WNT3A: variants seen among roughly 807,000 people sequenced by gnomAD.
WNT3A encodes the protein Wnt family member 3A.
A neutral mutation model predicts 37.0 loss-of-function variants in WNT3A; 17 were observed. The observed-to-expected ratio is 0.46, with a 90% CI of 0.31 to 0.69. The LOEUF (loss-of-function observed/expected upper bound fraction) is 0.69, where lower values mean the gene tolerates loss of function less well. Among genes scored for constraint, WNT3A ranks in the 30% least tolerant of loss-of-function variants. The probability of loss-of-function intolerance (pLI) is 0.05; values close to 1 mark genes in which losing one functional copy is unlikely to be tolerated. For missense variants in WNT3A, 411 were observed against 510.2 expected (o/e 0.81, Z 1.87); for synonymous variants, 187 against 211.0 (o/e 0.89, Z 0.99).
At chr1:228,015,430 G>A (rs778917255) in intron 1 of WNT3A, among the ~76,000 whole-genome samples, 3 of 152,350 alleles carry the variant, frequency 2.0e-5, no homozygotes, top group East Asian at 1.9e-4. Context: ...GCAGCTGGAC[G>A]TGGGAAACAT....
chr1:228,045,082 C>T (rs1430293835), intron 2 of WNT3A, among the ~76,000 whole-genome samples: 1 of 152,218 alleles, frequency 6.6e-6, no homozygotes, highest in African/African-American at 2.4e-5. Context: ...AGTGGAAGCC[C>T]TCAGCACCAC....
intron 2 of WNT3A, among the ~76,000 whole-genome samples, chr1:228,024,528 T>C (rs1257434489): frequency 6.6e-6 from 1 of 152,242 alleles, no homozygotes; most frequent in Non-Finnish European, 1.5e-5. Flanking sequence ...CTTTTTGTTG[T>C]TGAGTTGTGA....
rs752977256 is a variant in WNT3A, at chr1:228,059,207, G to C, written c.801G>C (p.Thr267=). 6.2e-7 allele frequency: 1 copy of C among 1,611,882 alleles called. No individual in the cohort carries two copies. The highest frequency in any genetic ancestry group is 1.3e-5 in the African/African-American group (1 of 74,930). ...RPRYTYFKVP[T]ERDLVYYEAS... Reference sequence around the variant, plus strand: ...GCTACACCTACTTCAAGGTGCCCACGGAGCGCGACCTGGTCTACTACGAGG... The same window carrying C: ...GCTACACCTACTTCAAGGTGCCCACCGAGCGCGACCTGGTCTACTACGAGG... Residue 267 remains threonine (T), a synonymous_variant, in exon 4 of 4, where the codon ACG becomes ACC. Coordinates refer to ENST00000284523, the MANE Select transcript of WNT3A (RefSeq NM_033131.4).
chr1:228,059,971 G>A lies in WNT3A; in HGVS notation c.*506G>A. The A allele has an allele frequency of 8.8e-7, 1 of 1,132,482 alleles. No individual in the cohort carries two copies. Among genetic ancestry groups the A allele is most frequent in the Non-Finnish European group, 1.1e-6 (1 of 910,986 alleles). The allele number at this position is 1,132,482 out of a possible 1,614,324, so 70.2% of individuals were successfully genotyped here. Reference sequence around the variant, plus strand: ...CCCTGAGGGCGGAGCGCCTCCTTAGGAGTGGGGTTTTATGGTGGATGAGGC... The same window carrying A: ...CCCTGAGGGCGGAGCGCCTCCTTAGAAGTGGGGTTTTATGGTGGATGAGGC... On this transcript the variant is annotated 3_prime_UTR_variant, in exon 4 of 4. Transcript: ENST00000284523.
At chr1:228,043,787 G>A (rs1247375647) in intron 2 of WNT3A, among the ~76,000 whole-genome samples, 2 of 152,072 alleles carry the variant, frequency 1.3e-5, no homozygotes, top group African/African-American at 2.4e-5. Flanking sequence ...AAAGATGCCC[G>A]TGCTCCCAGA....
chr1:228,033,681 T>A (rs567166943), intron 2 of WNT3A, among the ~76,000 whole-genome samples: 1 of 152,224 alleles, frequency 6.6e-6, no homozygotes, highest in Non-Finnish European at 1.5e-5. Flanking sequence ...TAGGATTAGC[T>A]CATCAATTTC....
At chr1:228,041,608 A>G (rs1269901608) in intron 2 of WNT3A, among the ~76,000 whole-genome samples, 1 of 151,912 alleles carries the variant, frequency 6.6e-6, no homozygotes, top group Non-Finnish European at 1.5e-5. Flanking sequence ...TCCATCATCT[A>G]TCCACCCACC....
intron 1 of WNT3A, among the ~76,000 whole-genome samples, chr1:228,013,094 T>C (rs1037230613): frequency 1.3e-5 from 2 of 152,136 alleles, no homozygotes; most frequent in Admixed American, 1.3e-4. Flanking sequence ...AGAAACCATT[T>C]CTCTCTCTAG....
At chr1:228,030,947 T>G (rs1207216141) in intron 2 of WNT3A, among the ~76,000 whole-genome samples, 1 of 152,070 alleles carries the variant, frequency 6.6e-6, no homozygotes, top group Non-Finnish European at 1.5e-5. Context: ...GGAGGGGAGG[T>G]GCCTGGCCCT....
intron 2 of WNT3A, among the ~76,000 whole-genome samples, chr1:228,036,148 AC>A (rs1227476821): frequency 6.6e-6 from 1 of 152,004 alleles, no homozygotes; most frequent in Non-Finnish European, 1.5e-5. Flanking sequence ...GTCAAAGGTC[AC>A]CCCAGGCTTT....
chr1:228,023,823 GTTC>G (rs1558286785), intron 2 of WNT3A, among the ~76,000 whole-genome samples: 1 of 152,120 alleles, frequency 6.6e-6, no homozygotes, highest in African/African-American at 2.4e-5. Context: ...AGCCATTCCC[GTTC>G]TTCTCCCTTC....
Position 228,059,619 on chromosome 1 carries a change from C to T in WNT3A, c.*154C>T. On this transcript the variant is annotated 3_prime_UTR_variant, in exon 4 of 4. Coordinates refer to ENST00000284523, the MANE Select transcript of WNT3A (RefSeq NM_033131.4). Reference sequence around the variant, plus strand: ...GGGGCTCCTACCTGGGGGCAGAACTCCTACCTGAAGGCAGGGCTCCTCCCT... The same window carrying T: ...GGGGCTCCTACCTGGGGGCAGAACTTCTACCTGAAGGCAGGGCTCCTCCCT... The T allele has an allele frequency of 7.2e-7, 1 of 1,383,456 alleles. No homozygotes were observed. Among genetic ancestry groups the T allele is most frequent in the South Asian group, 1.7e-5 (1 of 58,992 alleles). 85.7% of individuals were successfully genotyped at this position (1,383,456 alleles called of 1,614,324 possible).
intron 3 of WNT3A, among the ~76,000 whole-genome samples, chr1:228,054,181 C>G (rs1013798352): frequency 6.6e-6 from 1 of 152,124 alleles, no homozygotes; most frequent in African/African-American, 2.4e-5. Flanking sequence ...CATGGGCAGA[C>G]TAGAAATCTC....
At chr1:228,034,193 C>T (rs1043737508) in intron 2 of WNT3A, among the ~76,000 whole-genome samples, 3 of 152,054 alleles carry the variant, frequency 2.0e-5, no homozygotes, top group Non-Finnish European at 4.4e-5. Context: ...GCCCAGGAGG[C>T]GGAGGTTGCA....
At chr1:228,045,611 G>T (rs2031386128) in intron 2 of WNT3A, among the ~76,000 whole-genome samples, 1 of 152,212 alleles carries the variant, frequency 6.6e-6, no homozygotes, top group Admixed American at 6.5e-5. Flanking sequence ...TCACTCAGAG[G>T]CAGTGGGTTC....
chr1:228,051,950 A>G (rs979772304), intron 3 of WNT3A, among the ~76,000 whole-genome samples: 4 of 152,168 alleles, frequency 2.6e-5, no homozygotes, highest in Non-Finnish European at 5.9e-5. Flanking sequence ...CAAGCCATTC[A>G]TGAGGGATCT....
intron 2 of WNT3A, 90 bp downstream of exon 2, chr1:228,022,998 C>G (rs780260905): frequency 6.6e-7 from 1 of 1,520,556 alleles, no homozygotes; most frequent in Non-Finnish European, 8.8e-7. Context: ...TCTGTGCACA[C>G]GGTGGGAACA....
At chr1:228,020,605 C>A (rs182376605) in intron 1 of WNT3A, among the ~76,000 whole-genome samples, 147 of 152,348 alleles carry the variant, frequency 9.6e-4, no homozygotes, top group Admixed American at 1.9e-3. Context: ...GCAGGAACAC[C>A]AACCCAGGCT....
chr1:228,013,150 C>A (rs1027078590), intron 1 of WNT3A, among the ~76,000 whole-genome samples: 1 of 152,200 alleles, frequency 6.6e-6, no homozygotes. Context: ...TGGGCTCCAG[C>A]AGTCCTCCCA....
Sources: gnomAD v4.1 joint callset for allele counts (sites outside exome capture counted in the v4.1 genomes callset) on GRCh38, gnomAD v4.1.1 for gene constraint, MANE v1.5 for transcripts, NCBI Gene and HGNC (gene_info 2026-07-23, HGNC 2026-07-21) for gene names.